Variants in STX17 observed in about 807,000 individuals in gnomAD.
STX17 encodes syntaxin 17.
In STX17, 29 loss-of-function variants were observed where a neutral mutation model predicts 35.9. The observed-to-expected ratio is 0.81, with a 90% CI of 0.60 to 1.10. The LOEUF (loss-of-function observed/expected upper bound fraction) is 1.10. Among genes scored for constraint, STX17 ranks in the 50% least tolerant of loss-of-function variants. STX17 has a pLI of 0.00. For missense variants in STX17, 312 were observed against 352.3 expected, an observed-to-expected ratio of 0.89 and a Z score of 0.92; for synonymous variants, 92 against 118.3, an observed-to-expected ratio of 0.78 and a Z score of 1.44.
intron 2 of STX17, among the ~76,000 whole-genome samples, chr9:99,919,182 C>T (rs1343560533): frequency 6.6e-6 from 1 of 152,220 alleles, no homozygotes; most frequent in East Asian, 1.9e-4. Flanking sequence ...GTGGACTACC[C>T]GTTCATTACA....
rs531372017 is a variant in STX17 at position 99,973,603 on chromosome 9, C to G, written c.*4930C>G. On this transcript the variant is annotated 3_prime_UTR_variant, in exon 8 of 8. Transcript: ENST00000259400. ...TCAAGACTTGTCCTGTCAATTCTCC[C>G]TTAAATGTTAGTTGCATCCATTTCT... Among the ~76,000 whole-genome samples the G allele has an allele frequency of 6.6e-6, 1 of 152,274 alleles. No individual in the cohort carries two copies. The highest frequency in any genetic ancestry group is 2.4e-5 in the African/African-American group (1 of 41,536).
chr9:99,947,900 G>T (rs948960766), intron 3 of STX17, among the ~76,000 whole-genome samples: 18 of 151,146 alleles, frequency 1.2e-4, no homozygotes, highest in Admixed American at 5.3e-4. Context: ...CCCAATTCTT[G>T]TCCTATAGTT....
rs765316146 is a variant in STX17 at position 99,967,746 on chromosome 9, T to G, written c.669+7T>G. 62 of 1,613,222 alleles carry G rather than the reference T, an allele frequency of 3.8e-5. No individual in the cohort carries two copies. Among genetic ancestry groups the G allele is most frequent in the Non-Finnish European group, 5.3e-5 (62 of 1,179,250 alleles). On this transcript the variant is annotated splice_region_variant and intron_variant, in intron 7 of 7. Coordinates refer to ENST00000259400, the MANE Select transcript of STX17 (RefSeq NM_017919.3). Reference sequence around the variant, plus strand: ...AACCAAAAACTTAGGGAAGGTAAGATTCTGCTCCTGCTGACAAATCAATGG... The same window carrying G: ...AACCAAAAACTTAGGGAAGGTAAGAGTCTGCTCCTGCTGACAAATCAATGG...
chr9:99,962,536 C>A, intron 6 of STX17, among the ~76,000 whole-genome samples: 1 of 152,128 alleles, frequency 6.6e-6, no homozygotes, highest in Non-Finnish European at 1.5e-5. Context: ...TTTTAAAAAA[C>A]AAACTACACA....
chr9:99,943,012 A>G (rs559424873), intron 3 of STX17, among the ~76,000 whole-genome samples: 8 of 152,316 alleles, frequency 5.3e-5, no homozygotes, highest in African/African-American at 1.9e-4. Context: ...AGCCCTGTGC[A>G]TTTTCATATA....
chr9:99,919,954 T>A (rs1425846055), intron 2 of STX17, among the ~76,000 whole-genome samples: 1 of 152,208 alleles, frequency 6.6e-6, no homozygotes, highest in African/African-American at 2.4e-5. Flanking sequence ...TCAGTCTTAT[T>A]TATTGTTAAT....
In STX17 at chr9:99,972,584, T is replaced by C. The variant is rs1314991755; in HGVS notation, c.*3911T>C. 1.3e-5 allele frequency among the ~76,000 whole-genome samples: 2 copies of C among 152,202 alleles called. No homozygotes were observed. The highest frequency in any genetic ancestry group is 2.4e-5 in the African/African-American group (1 of 41,464). ...AGTCCAGAAACTTCCTTCTGTGGGC[T>C]GCCTGCCTTCCTGCCCTCCCTTAAG... On this transcript the variant is annotated 3_prime_UTR_variant, in exon 8 of 8. Transcript: ENST00000259400.
intron 2 of STX17, among the ~76,000 whole-genome samples, chr9:99,928,487 T>C (rs1246975043): frequency 6.6e-6 from 1 of 152,130 alleles, no homozygotes; most frequent in Non-Finnish European, 1.5e-5. Context: ...ATATTTTCCA[T>C]CTCCAGAGAG....
intron 1 of STX17, among the ~76,000 whole-genome samples, chr9:99,911,952 C>T (rs1828674282): frequency 6.6e-6 from 1 of 152,180 alleles, no homozygotes; most frequent in Non-Finnish European, 1.5e-5. Flanking sequence ...TCTCGCCAGG[C>T]GTCGTGGCTC....
Position 99,968,453 on chromosome 9 carries a change from C to T in STX17, c.689C>T (p.Ala230Val). The change falls in exon 8 of 8, where the codon GCA becomes GTA. Residue 230 changes from alanine to valine, a missense_variant. Coordinates refer to ENST00000259400, the MANE Select transcript of STX17 (RefSeq NM_017919.3). ...NLGKAAKYKLAALPVAGALIG... is the reference protein window; with the variant it reads ...NLGKAAKYKLVALPVAGALIG... ...TTACAGGCTGCAAAATACAAGCTGG[C>T]AGCTCTGCCTGTGGCAGGTGCACTC... is the stretch of plus-strand genomic sequence containing the variant. The T allele has an allele frequency of 3.3e-6, 5 of 1,537,026 alleles. No individual in the cohort carries two copies. In the South Asian group the frequency reaches 5.0e-5, roughly 15 times the overall value.
At chr9:99,944,807 C>T (rs189681287) in intron 3 of STX17, among the ~76,000 whole-genome samples, 7 of 152,216 alleles carry the variant, frequency 4.6e-5, no homozygotes, top group Admixed American at 2.0e-4. Context: ...TGAGCCACTG[C>T]GCCCAGCCAG....
intron 3 of STX17, chr9:99,945,751 T>G (rs1363055643): frequency 7.5e-6 from 3 of 402,058 alleles, no homozygotes; most frequent in African/African-American, 6.4e-5. Flanking sequence ...TCTCCAAGGA[T>G]TTCATCAACT....
At chr9:99,963,361 C>G (rs554430248) in intron 6 of STX17, among the ~76,000 whole-genome samples, 2 of 152,150 alleles carry the variant, frequency 1.3e-5, no homozygotes, top group Non-Finnish European at 2.9e-5. Flanking sequence ...TAACAACTCA[C>G]CCTTGCTGCT....
intron 3 of STX17, chr9:99,938,016 C>G (rs774213877): frequency 3.3e-5 from 5 of 152,248 alleles, no homozygotes; most frequent in African/African-American, 1.2e-4. Context: ...TACTCAATGC[C>G]CTGTGAATTA....
intron 3 of STX17, among the ~76,000 whole-genome samples, chr9:99,935,435 G>A (rs1195464755): frequency 6.6e-6 from 1 of 151,528 alleles, no homozygotes; most frequent in Non-Finnish European, 1.5e-5. Flanking sequence ...AAAAACTTAT[G>A]TCAGTGATTA....
intron 6 of STX17, among the ~76,000 whole-genome samples, chr9:99,961,466 A>C (rs1829824817): frequency 6.6e-6 from 1 of 152,250 alleles, no homozygotes; most frequent in Admixed American, 6.5e-5. Flanking sequence ...TGATACTGTT[A>C]ACATAGATTA....
intron 3 of STX17, among the ~76,000 whole-genome samples, chr9:99,935,916 G>A (rs1829224660): frequency 6.6e-6 from 1 of 152,130 alleles, no homozygotes; most frequent in Non-Finnish European, 1.5e-5. Context: ...GCTAGTGTGA[G>A]CAAGGAGAGT....
rs1184195360 is a variant in STX17, at chr9:99,944,500, T to G, written c.190-6560T>G. ...GTTTAAATATGCATTATTTTTCTTTTCATTCAGGTCAAAGCATTTTTTTTT... is the reference window on the plus strand; with the variant it reads ...GTTTAAATATGCATTATTTTTCTTTGCATTCAGGTCAAAGCATTTTTTTTT... On this transcript the variant is annotated intron_variant, in intron 3 of 7. Coordinates refer to ENST00000259400, the MANE Select transcript of STX17 (RefSeq NM_017919.3). 1.3e-5 allele frequency among the ~76,000 whole-genome samples: 2 copies of G among 148,758 alleles called. 1 individual carries two copies. Among genetic ancestry groups the G allele is most frequent in the South Asian group, 4.2e-4 (2 of 4,726 alleles).
At chr9:99,941,373 C>G (rs954949207) in intron 3 of STX17, among the ~76,000 whole-genome samples, 1 of 152,078 alleles carries the variant, frequency 6.6e-6, no homozygotes, top group Non-Finnish European at 1.5e-5. Flanking sequence ...TCAGTTTTAC[C>G]CCTACCCAAA....
Sources: allele counts gnomAD v4.1 joint callset (sites outside exome capture counted in the v4.1 genomes callset), GRCh38; gene constraint gnomAD v4.1.1; transcripts MANE v1.5; gene names NCBI Gene and HGNC (gene_info 2026-07-23, HGNC 2026-07-21).